PAAF1: variants seen among roughly 807,000 people sequenced by gnomAD.
The protein encoded by PAAF1 is proteasomal ATPase associated factor 1.
A neutral mutation model predicts 52.8 loss-of-function variants in PAAF1; 46 were observed. That is an observed-to-expected ratio of 0.87 (90% CI 0.69 to 1.11). The LOEUF (loss-of-function observed/expected upper bound fraction) is 1.11. Ranked by LOEUF, PAAF1 falls within the 50% of genes most tolerant of loss-of-function variation. The probability of loss-of-function intolerance (pLI) is 0.00; values close to 1 mark genes in which losing one functional copy is unlikely to be tolerated. For missense variants in PAAF1, 424 were observed against 477.4 expected, an observed-to-expected ratio of 0.89 and a Z score of 1.04; for synonymous variants, 178 against 172.8, an observed-to-expected ratio of 1.03 and a Z score of -0.24.
chr11:73,914,486 A>G lies in PAAF1; in HGVS notation c.801A>G (p.Gly267=). Residue 267 remains glycine, a synonymous_variant, in exon 8 of 12, where the codon GGA becomes GGG. Transcript: ENST00000310571. ...AREDKKLQCL[G]LQSRQLVFLF... ...AAGATAAGAAACTTCAGTGCTTGGG[A>G]CTACAGAGCAGGCAGCTGGCAAGTG... 6.2e-7 allele frequency: 1 copy of G among 1,613,976 alleles called. No individual in the cohort carries two copies. Among genetic ancestry groups the G allele is most frequent in the Non-Finnish European group, 8.5e-7 (1 of 1,179,940 alleles).
chr11:73,913,235 T>C (rs1949980188), intron 7 of PAAF1, among the ~76,000 whole-genome samples: 1 of 152,216 alleles, frequency 6.6e-6, no homozygotes, highest in Non-Finnish European at 1.5e-5. Flanking sequence ...TTCACATGAC[T>C]GGTTTCTGTT....
intron 6 of PAAF1, among the ~76,000 whole-genome samples, chr11:73,907,477 T>C (rs186982227): frequency 1.3e-5 from 2 of 152,308 alleles, no homozygotes; most frequent in South Asian, 4.1e-4. Context: ...CCACCTGACT[T>C]GCATCACCTC....
At chr11:73,883,568 T>C (rs1008712014) in intron 2 of PAAF1, among the ~76,000 whole-genome samples, 3 of 152,050 alleles carry the variant, frequency 2.0e-5, no homozygotes, top group Non-Finnish European at 4.4e-5. Context: ...GGCTGAAGTA[T>C]AGTGGCACAA....
rs1252852840 is a variant in PAAF1, at chr11:73,929,606, T to C, written c.*2244T>C. The C allele has an allele frequency of 6.6e-6, 1 of 152,262 alleles. No homozygotes were observed. Among genetic ancestry groups the C allele is most frequent in the African/African-American group, 2.4e-5 (1 of 41,466 alleles). 9.4% of individuals were successfully genotyped at this position (152,262 alleles called of 1,614,324 possible). On this transcript the variant is annotated 3_prime_UTR_variant, in exon 12 of 12. Coordinates refer to ENST00000310571, the MANE Select transcript of PAAF1 (RefSeq NM_025155.3). ...CAGCACCTTCTGCTGCACTGTGTAA[T>C]CACAGGCAGGTAGCAAGAGACTTTT...
At chr11:73,914,374 C>G (rs199557887) in intron 7 of PAAF1, 39 bp from the exon 8 acceptor site, 1 of 1,576,984 alleles carries the variant, frequency 6.3e-7, no homozygotes, top group Non-Finnish European at 8.7e-7. Context: ...ACCAGCTGAT[C>G]AGCCTCACTG....
intron 6 of PAAF1, among the ~76,000 whole-genome samples, chr11:73,906,635 A>AT (rs1321745198): frequency 6.6e-6 from 1 of 152,152 alleles, no homozygotes; most frequent in African/African-American, 2.4e-5. Context: ...TTTTAATGAT[A>AT]TTTTCTCACA....
chr11:73,897,160 C>G (rs1442205563), intron 4 of PAAF1, among the ~76,000 whole-genome samples: 2 of 139,998 alleles, frequency 1.4e-5, no homozygotes, highest in Admixed American at 7.0e-5. Context: ...ACCTCCCGGA[C>G]GGGGCGGCTG....
rs74818755 is a variant in PAAF1 at position 73,894,634 on chromosome 11, T to TAA, written c.282+3441_282+3442dup. Among the ~76,000 whole-genome samples the TAA allele has an allele frequency of 1.9e-3, 275 of 148,078 alleles. 4 individuals carry two copies. In the East Asian group the frequency reaches 0.034, roughly 18 times the overall value. On this transcript the variant is annotated intron_variant, in intron 4 of 11. Transcript: ENST00000310571. ...TACCCTAAAACTTAAAGTATAATAATAAAAAAAAATCTACTAAAAAAAATA... is the reference window on the plus strand; with the variant it reads ...TACCCTAAAACTTAAAGTATAATAATAAAAAAAAAAATCTACTAAAAAAAATA...
intron 2 of PAAF1, 57 bp from the exon 3 acceptor site, chr11:73,887,297 G>T: frequency 7.3e-7 from 1 of 1,370,134 alleles, no homozygotes; most frequent in Non-Finnish European, 1.0e-6. Flanking sequence ...GGTCTTCAAA[G>T]AGAAAAATAA....
chr11:73,908,850 G>A lies in PAAF1; in HGVS notation c.533-549G>A, dbSNP rs758893700. Among the ~76,000 whole-genome samples, 146 of 151,390 alleles carry A rather than the reference G, an allele frequency of 9.6e-4. 2 individuals carry two copies. Among genetic ancestry groups the A allele is most frequent in the Non-Finnish European group, 7.7e-4 (52 of 67,870 alleles). ...CTGTTGAAGGCTGGAGTGCAGTGGC[G>A]TGATCTCGGGTCACTGCAACCTACG... is the stretch of plus-strand genomic sequence containing the variant. On this transcript the variant is annotated intron_variant, in intron 6 of 11. Transcript: ENST00000310571.
chr11:73,923,559 A>G (rs1319896982), intron 10 of PAAF1, among the ~76,000 whole-genome samples: 6 of 152,094 alleles, frequency 3.9e-5, no homozygotes, highest in Non-Finnish European at 8.8e-5. Context: ...ATTTTGAGAC[A>G]GAGTCTCACT....
intron 1 of PAAF1, 65 bp downstream of exon 1, chr11:73,877,133 A>C: frequency 6.9e-7 from 1 of 1,443,308 alleles, no homozygotes; most frequent in Non-Finnish European, 9.2e-7. Context: ...CGTCAAGGAG[A>C]GCCATGCCTG....
chr11:73,904,435 T>G (rs1027722439), intron 6 of PAAF1, among the ~76,000 whole-genome samples: 1 of 152,198 alleles, frequency 6.6e-6, no homozygotes, highest in Non-Finnish European at 1.5e-5. Flanking sequence ...GAGACCAAAT[T>G]ACACCCTATT....
intron 7 of PAAF1, among the ~76,000 whole-genome samples, chr11:73,912,891 T>A (rs1321860283): frequency 1.3e-5 from 2 of 152,156 alleles, no homozygotes; most frequent in Admixed American, 6.5e-5. Flanking sequence ...TTCTTTTTTT[T>A]AAATTGAGAT....
At chr11:73,897,671 GGGCAGAGA>G (rs1949449074) in intron 4 of PAAF1, among the ~76,000 whole-genome samples, 1 of 149,212 alleles carries the variant, frequency 6.7e-6, no homozygotes, top group Admixed American at 6.6e-5. Flanking sequence ...CTGGGCGGCC[GGGCAGAGA>G]GGCTCCTCAC....
At chr11:73,919,133 C>T in intron 10 of PAAF1, 101 bp downstream of exon 10, 1 of 1,009,342 alleles carries the variant, frequency 9.9e-7, no homozygotes, top group East Asian at 2.4e-5. Context: ...GCATGGTCCC[C>T]CATGATTCTT....
intron 1 of PAAF1, chr11:73,877,287 C>G (rs902863011): frequency 2.5e-6 from 1 of 399,262 alleles, no homozygotes; most frequent in Non-Finnish European, 4.4e-6. Flanking sequence ...TGTGTGATCC[C>G]CGCGTCAGAA....
chr11:73,887,504 A>G, intron 3 of PAAF1, 47 bp downstream of exon 3: 1 of 1,263,766 alleles, frequency 7.9e-7, no homozygotes, highest in South Asian at 1.4e-5. Context: ...AAACTATGGT[A>G]GTACCCAAAC....
At chr11:73,879,342 A>G (rs976186423) in intron 2 of PAAF1, 18 of 152,198 alleles carry the variant, frequency 1.2e-4, no homozygotes, top group African/African-American at 4.1e-4. Context: ...TCTAGGCATC[A>G]GAGTGAAAAA....
Sources: gnomAD v4.1 joint callset for allele counts (sites outside exome capture counted in the v4.1 genomes callset) on GRCh38, gnomAD v4.1.1 for gene constraint, MANE v1.5 for transcripts, NCBI Gene and HGNC (gene_info 2026-07-23, HGNC 2026-07-21) for gene names.